Variants in TMEM132D observed in about 807,000 individuals in gnomAD.
TMEM132D encodes the protein transmembrane protein 132D.
A neutral mutation model predicts 62.3 loss-of-function variants in TMEM132D; 21 were observed. The ratio of observed to expected loss-of-function variants is 0.34; its 90% confidence interval spans 0.24 to 0.49. The LOEUF (loss-of-function observed/expected upper bound fraction) is 0.49. TMEM132D is among the 20% of genes least tolerant of loss of function. The pLI, the probability that TMEM132D is intolerant of heterozygous loss-of-function variation, is 0.99. For missense variants in TMEM132D, 1,346 were observed against 1,402.8 expected, an observed-to-expected ratio of 0.96 and a Z score of 0.65; for synonymous variants, 621 against 575.6, an observed-to-expected ratio of 1.08 and a Z score of -1.13.
intron 3 of TMEM132D, among the ~76,000 whole-genome samples, chr12:129,434,735 T>C (rs1230471966): frequency 6.6e-6 from 1 of 152,104 alleles, no homozygotes; most frequent in African/African-American, 2.4e-5. Flanking sequence ...ACATGCATAC[T>C]TTGCATAACG....
intron 1 of TMEM132D, among the ~76,000 whole-genome samples, chr12:129,768,263 A>T (rs2137280428): frequency 6.6e-6 from 1 of 152,238 alleles, no homozygotes; most frequent in Admixed American, 6.5e-5. Flanking sequence ...TCATATATTG[A>T]TTCTACTTTT....
At chr12:129,253,600 G>A (rs1392256816) in intron 4 of TMEM132D, among the ~76,000 whole-genome samples, 1 of 152,124 alleles carries the variant, frequency 6.6e-6, no homozygotes, top group Non-Finnish European at 1.5e-5. Context: ...CTGAGCAAAG[G>A]GGATACCTTA....
intron 1 of TMEM132D, among the ~76,000 whole-genome samples, chr12:129,896,320 C>G (rs1403096576): frequency 1.3e-5 from 2 of 152,086 alleles, no homozygotes; most frequent in East Asian, 3.9e-4. Context: ...TCTGCTGTTC[C>G]AAGAGGCAGT....
At chr12:129,902,583 C>T (rs1046665222) in intron 1 of TMEM132D, among the ~76,000 whole-genome samples, 2 of 152,204 alleles carry the variant, frequency 1.3e-5, no homozygotes, top group Non-Finnish European at 2.9e-5. Context: ...CAAGTCAGGG[C>T]TCCGCTGGGA....
chr12:129,135,351 C>T (rs1244110200), intron 5 of TMEM132D, among the ~76,000 whole-genome samples: 2 of 152,186 alleles, frequency 1.3e-5, no homozygotes, highest in Non-Finnish European at 2.9e-5. Context: ...GATGACTCCT[C>T]TAGAGTTAGA....
intron 1 of TMEM132D, among the ~76,000 whole-genome samples, chr12:129,797,801 T>C (rs1025447205): frequency 6.6e-6 from 1 of 152,166 alleles, no homozygotes. Context: ...GAATATCCAG[T>C]GAACACTTAG....
intron 5 of TMEM132D, among the ~76,000 whole-genome samples, chr12:129,193,459 C>G (rs951424324): frequency 3.3e-5 from 5 of 152,182 alleles, no homozygotes; most frequent in Non-Finnish European, 5.9e-5. Context: ...GCAATTTGGG[C>G]TGCTGCCACC....
At chr12:129,420,299 GTTCT>G (rs1436397429) in intron 3 of TMEM132D, among the ~76,000 whole-genome samples, 2 of 98,076 alleles carry the variant, frequency 2.0e-5, no homozygotes, top group Non-Finnish European at 3.8e-5. Flanking sequence ...ATTATTGCAC[GTTCT>G]CTGTTTTTTT....
At chr12:129,646,755 A>T (rs1879788678) in intron 2 of TMEM132D, among the ~76,000 whole-genome samples, 1 of 151,720 alleles carries the variant, frequency 6.6e-6, no homozygotes, top group African/African-American at 2.4e-5. Context: ...ATATATAAAC[A>T]TGCATTCACG....
intron 1 of TMEM132D, among the ~76,000 whole-genome samples, chr12:129,884,290 T>C (rs919683539): frequency 1.3e-5 from 2 of 152,226 alleles, no homozygotes; most frequent in African/African-American, 4.8e-5. Context: ...AAAAGTCTTC[T>C]CTGCAAAAGA....
In TMEM132D at chr12:129,889,919, G is replaced by A. The variant is rs79899703; in HGVS notation, c.79+13342C>T. Among the ~76,000 whole-genome samples, 255 of 152,236 alleles carry A rather than the reference G, an allele frequency of 1.7e-3. 1 individual carries two copies. Among genetic ancestry groups the A allele is most frequent in the African/African-American group, 6.0e-3 (249 of 41,520 alleles). On this transcript the variant is annotated intron_variant, in intron 1 of 8. Coordinates refer to ENST00000422113, the MANE Select transcript of TMEM132D (RefSeq NM_133448.3). ...GTATGCATCTGTCAATATCATGAAC[G>A]GGAATGCGAGAAACACAAAATTAGG... is the stretch of plus-strand genomic sequence containing the variant.
intron 2 of TMEM132D, among the ~76,000 whole-genome samples, chr12:129,534,154 GT>G (rs1236545129): frequency 2.6e-5 from 4 of 152,202 alleles, no homozygotes; most frequent in African/African-American, 9.6e-5. Flanking sequence ...ATTAATGGAA[GT>G]TTTATAACCT....
intron 2 of TMEM132D, among the ~76,000 whole-genome samples, chr12:129,605,025 G>A (rs1878577302): frequency 6.6e-6 from 1 of 152,124 alleles, no homozygotes; most frequent in South Asian, 2.1e-4. Context: ...GTATTTTCCT[G>A]TTCATTGTAT....
intron 3 of TMEM132D, among the ~76,000 whole-genome samples, chr12:129,417,084 C>T (rs1354964128): frequency 6.6e-6 from 1 of 152,044 alleles, no homozygotes; most frequent in African/African-American, 2.4e-5. Context: ...AGGAGGAGTC[C>T]CTCTTTTTCT....
chr12:129,692,925 A>T (rs1179318544), intron 2 of TMEM132D, among the ~76,000 whole-genome samples: 2 of 152,180 alleles, frequency 1.3e-5, no homozygotes, highest in Non-Finnish European at 1.5e-5. Flanking sequence ...CAAGTGCAGC[A>T]AACCACCACG....
chr12:129,207,746 G>A (rs1159707445), intron 5 of TMEM132D, among the ~76,000 whole-genome samples: 1 of 139,226 alleles, frequency 7.2e-6, no homozygotes, highest in Admixed American at 7.0e-5. Context: ...GTGAGGAGGG[G>A]AAGCCAGTGA....
intron 3 of TMEM132D, among the ~76,000 whole-genome samples, chr12:129,368,332 T>C (rs907428698): frequency 6.6e-6 from 1 of 152,224 alleles, no homozygotes; most frequent in Non-Finnish European, 1.5e-5. Context: ...CATATGTCTG[T>C]ATATCTGTGT....
chr12:129,731,541 G>T (rs1215594141), intron 1 of TMEM132D, among the ~76,000 whole-genome samples: 1 of 152,156 alleles, frequency 6.6e-6, no homozygotes, highest in Non-Finnish European at 1.5e-5. Context: ...GACCTGCCAG[G>T]TGTGTATGAA....
chr12:129,224,047 C>T (rs1175293325), intron 4 of TMEM132D, among the ~76,000 whole-genome samples: 1 of 152,062 alleles, frequency 6.6e-6, no homozygotes, highest in African/African-American at 2.4e-5. Context: ...GTATGACAGC[C>T]CAAAATGTCT....
Sources: allele counts gnomAD v4.1 joint callset (sites outside exome capture counted in the v4.1 genomes callset), GRCh38; gene constraint gnomAD v4.1.1; transcripts MANE v1.5; gene names NCBI Gene and HGNC (gene_info 2026-07-23, HGNC 2026-07-21).